BLTP1: variants seen among roughly 807,000 people sequenced by gnomAD.
BLTP1 encodes fragile site-associated protein.
the BLTP1 span, chr4:122,189,321 G>C: frequency 1.3e-5 from 13 of 980,382 alleles, no homozygotes; most frequent in Non-Finnish European, 1.6e-5. Context: ...ATGTATGTAT[G>C]ACAAAGAGAA....
At chr4:122,231,928 G>A in the BLTP1 span, 4 of 737,198 alleles carry the variant, frequency 5.4e-6, no homozygotes, top group South Asian at 6.2e-5. Context: ...ACATATATCC[G>A]AGTATGAAAG....
At chr4:122,224,552 C>G in the BLTP1 span, 2 of 1,613,980 alleles carry the variant, frequency 1.2e-6, no homozygotes, top group Non-Finnish European at 8.5e-7. Context: ...TTTGTCAGGT[C>G]TCCAGCTGAG....
the BLTP1 span, among the ~76,000 whole-genome samples, chr4:122,329,410 CATTAT>C: frequency 6.6e-6 from 1 of 151,398 alleles, no homozygotes. Context: ...AGAATCTTGT[CATTAT>C]ATTTAATTTC....
the BLTP1 span, among the ~76,000 whole-genome samples, chr4:122,342,646 G>A: frequency 1.3e-5 from 2 of 152,140 alleles, no homozygotes; most frequent in Admixed American, 1.3e-4. Flanking sequence ...GAGCCACTGT[G>A]CCCAGCCTGG....
At chr4:122,275,420 T>G in the BLTP1 span, among the ~76,000 whole-genome samples, 1 of 152,122 alleles carries the variant, frequency 6.6e-6, no homozygotes, top group African/African-American at 2.4e-5. Context: ...CTTATAATGC[T>G]TCTACTGAAA....
the BLTP1 span, chr4:122,355,858 T>G: frequency 1.2e-6 from 2 of 1,612,758 alleles, no homozygotes; most frequent in South Asian, 1.1e-5. Context: ...TGTGAAGAAT[T>G]CTAGTTTGTT....
the BLTP1 span, chr4:122,275,957 A>G: frequency 2.0e-6 from 3 of 1,527,266 alleles, no homozygotes; most frequent in South Asian, 1.3e-5. Flanking sequence ...CTTTCTCTTG[A>G]CTCTTCATCT....
At chr4:122,219,135 A>G in the BLTP1 span, 31,715 of 983,630 alleles carry the variant, frequency 0.032, 649 homozygotes, top group East Asian at 0.14. Context: ...AACTTTTTGC[A>G]TTTTTTGCTA....
chr4:122,247,423 G>T, the BLTP1 span: 1 of 1,566,418 alleles, frequency 6.4e-7, no homozygotes, highest in Non-Finnish European at 8.8e-7. Context: ...TTGCAGAAGG[G>T]AACATGTTTT....
chr4:122,276,095 T>G, the BLTP1 span: 8 of 1,265,976 alleles, frequency 6.3e-6, no homozygotes, highest in Non-Finnish European at 7.4e-6. Flanking sequence ...TATTTAAATT[T>G]TTTTCATGGC....
At chr4:122,196,699 C>A in the BLTP1 span, 1 of 1,611,732 alleles carries the variant, frequency 6.2e-7, no homozygotes, top group East Asian at 2.2e-5. Context: ...TGAAATTGCA[C>A]AGCCTGGGAG....
chr4:122,263,604 T>C, the BLTP1 span: 1 of 1,576,414 alleles, frequency 6.3e-7, no homozygotes, highest in East Asian at 2.2e-5. Flanking sequence ...CCCACAGGTA[T>C]TGAGTTATCA....
chr4:122,284,817 T>G, the BLTP1 span, among the ~76,000 whole-genome samples: 1 of 152,212 alleles, frequency 6.6e-6, no homozygotes, highest in Non-Finnish European at 1.5e-5. Context: ...TAGGAGTGTA[T>G]GTATAGGCAA....
At chr4:122,359,756 T>C in the BLTP1 span, 4 of 1,563,258 alleles carry the variant, frequency 2.6e-6, no homozygotes, top group Non-Finnish European at 3.4e-6. Context: ...ACCCATATGC[T>C]AAGGGATTAC....
chr4:122,186,062 A>C, the BLTP1 span: 6 of 1,601,326 alleles, frequency 3.7e-6, no homozygotes, highest in Non-Finnish European at 5.1e-6. Flanking sequence ...CAGGTTATAC[A>C]TCACAGTCAA....
chr4:122,331,987 C>T, the BLTP1 span, among the ~76,000 whole-genome samples: 4 of 151,960 alleles, frequency 2.6e-5, no homozygotes, highest in African/African-American at 9.7e-5. Context: ...GATATAACTG[C>T]AGCTTTACTA....
the BLTP1 span, among the ~76,000 whole-genome samples, chr4:122,165,953 A>G: frequency 5.3e-5 from 8 of 151,110 alleles, no homozygotes; most frequent in African/African-American, 9.7e-5. Flanking sequence ...GTTTGAGTTC[A>G]TTGTAGATTC....
At chr4:122,281,822 G>A in the BLTP1 span, 1 of 1,426,228 alleles carries the variant, frequency 7.0e-7, no homozygotes, top group South Asian at 1.7e-5. Flanking sequence ...TGATTTGTTT[G>A]AGAAATTAGT....
At chr4:122,341,778 C>T in the BLTP1 span, 6 of 985,304 alleles carry the variant, frequency 6.1e-6, no homozygotes, top group Non-Finnish European at 7.2e-6. Context: ...GTGGTCCATA[C>T]TTACTAATGT....
Sources: gnomAD v4.1 joint callset for allele counts (sites outside exome capture counted in the v4.1 genomes callset) on GRCh38, gnomAD v4.1.1 for gene constraint, MANE v1.5 for transcripts, NCBI Gene and HGNC (gene_info 2026-07-23, HGNC 2026-07-21) for gene names.